UPF2: variants seen among roughly 807,000 people sequenced by gnomAD.
UPF2 encodes the protein regulator of nonsense transcripts 2.
In UPF2, 17 loss-of-function variants were observed where a neutral mutation model predicts 141.4. The observed-to-expected ratio is 0.12, with a 90% CI of 0.08 to 0.18. The LOEUF is 0.18. UPF2 is among the 10% of genes least tolerant of loss of function. The pLI is 1.00. For synonymous variants in UPF2, 540 were observed against 498.0 expected, an observed-to-expected ratio of 1.08 and a Z score of -1.12; for missense variants, 1,152 against 1,515.9, an observed-to-expected ratio of 0.76 and a Z score of 3.99.
intron 8 of UPF2, among the ~76,000 whole-genome samples, chr10:11,981,356 G>A (rs2131231113): frequency 6.6e-6 from 1 of 152,196 alleles, no homozygotes; most frequent in African/African-American, 2.4e-5. Context: ...AACTCAACTT[G>A]TTAAACCTAA....
chr10:12,007,939 G>A (rs1834062763), intron 4 of UPF2, among the ~76,000 whole-genome samples: 1 of 150,846 alleles, frequency 6.6e-6, no homozygotes. Context: ...CACCCAGGCT[G>A]GAGTGCAATC....
At chr10:11,932,828 CTAT>C (rs1355039619) in intron 19 of UPF2, among the ~76,000 whole-genome samples, 1 of 152,132 alleles carries the variant, frequency 6.6e-6, no homozygotes, top group Admixed American at 6.5e-5. Flanking sequence ...TCCCAAGTTA[CTAT>C]GACATGTAAC....
intron 18 of UPF2, among the ~76,000 whole-genome samples, chr10:11,937,003 A>G (rs3740025): frequency 0.17 from 25,266 of 152,240 alleles, 2,202 homozygotes; most frequent in East Asian, 0.25. Context: ...GGGTTCTACC[A>G]AATCCCCCTG....
At chr10:12,025,128 G>A (rs1834396281) in intron 3 of UPF2, among the ~76,000 whole-genome samples, 1 of 152,090 alleles carries the variant, frequency 6.6e-6, no homozygotes, top group Non-Finnish European at 1.5e-5. Flanking sequence ...TATAGTGGCT[G>A]CTCAAGTTGA....
In UPF2 at chr10:12,032,721, G is replaced by C. The variant is rs909988806; in HGVS notation, c.365+2338C>G. On this transcript the variant is annotated intron_variant, in intron 2 of 21. Transcript: ENST00000357604. Reference sequence around the variant, plus strand: ...CCACTGCACTCCAGCCTGGGTGACAGAGCAAGACCCTGTCTCAAAAAAAAA... The same window carrying C: ...CCACTGCACTCCAGCCTGGGTGACACAGCAAGACCCTGTCTCAAAAAAAAA... Among the ~76,000 whole-genome samples the C allele has an allele frequency of 5.0e-5, 7 of 140,022 alleles. No individual in the cohort carries two copies. In the South Asian group the frequency reaches 7.0e-4, roughly 14 times the overall value. 91.9% of individuals were successfully genotyped at this position (140,022 alleles called of 152,430 possible). A position where few individuals can be genotyped will look rare whatever the true frequency, so the allele number is the denominator to read the frequency against.
At chr10:11,957,200 G>A (rs1443165032) in intron 12 of UPF2, among the ~76,000 whole-genome samples, 1 of 151,950 alleles carries the variant, frequency 6.6e-6, no homozygotes, top group African/African-American at 2.4e-5. Flanking sequence ...AGGCCAAGGT[G>A]GGTGGATAAT....
At chr10:11,955,905 G>A (rs1350013972) in intron 13 of UPF2, among the ~76,000 whole-genome samples, 5 of 152,154 alleles carry the variant, frequency 3.3e-5, no homozygotes, top group African/African-American at 9.7e-5. Flanking sequence ...CATTTTGGGA[G>A]GCCAAGACAG....
At chr10:12,035,510 T>C (rs1462736889) in intron 1 of UPF2, 69 bp from the exon 2 acceptor site, 1 of 1,447,664 alleles carries the variant, frequency 6.9e-7, no homozygotes, top group East Asian at 2.4e-5. Flanking sequence ...CACTATTTTT[T>C]TAAACAGAAC....
intron 1 of UPF2, among the ~76,000 whole-genome samples, chr10:12,038,380 A>ACTCT (rs71513309): frequency 1.5e-5 from 1 of 65,690 alleles, no homozygotes; most frequent in Non-Finnish European, 3.0e-5. Context: ...ACTCCATCTC[A>ACTCT]CACACACACA....
intron 8 of UPF2, among the ~76,000 whole-genome samples, chr10:11,995,910 TCCA>T (rs1265264769): frequency 5.9e-5 from 9 of 152,146 alleles, no homozygotes; most frequent in Non-Finnish European, 4.4e-5. Flanking sequence ...CCTTAACTAG[TCCA>T]TTCTTCTCAG....
intron 16 of UPF2, among the ~76,000 whole-genome samples, chr10:11,944,355 G>C (rs144202680): frequency 1.1e-4 from 16 of 152,072 alleles, no homozygotes; most frequent in Non-Finnish European, 1.8e-4. Context: ...TTGGCCAGAC[G>C]TGGTGGCAGG....
At chr10:12,039,768 G>C (rs902607572) in intron 1 of UPF2, among the ~76,000 whole-genome samples, 50 of 151,978 alleles carry the variant, frequency 3.3e-4, no homozygotes, top group African/African-American at 1.2e-3. Context: ...TTACAGGCAT[G>C]TGCCACCATG....
chr10:11,991,253 G>T (rs1833775644), intron 8 of UPF2, among the ~76,000 whole-genome samples: 1 of 152,004 alleles, frequency 6.6e-6, no homozygotes, highest in East Asian at 1.9e-4. Flanking sequence ...AAGAAGAAAT[G>T]AGAAAAAGAG....
At chr10:11,925,751 A>T (rs1017543433) in intron 21 of UPF2, among the ~76,000 whole-genome samples, 2 of 152,252 alleles carry the variant, frequency 1.3e-5, no homozygotes, top group East Asian at 1.9e-4. Context: ...ACTGTTCCAC[A>T]CAGAGGAGGC....
intron 15 of UPF2, among the ~76,000 whole-genome samples, chr10:11,949,116 C>T (rs1833042180): frequency 6.6e-6 from 1 of 152,166 alleles, no homozygotes; most frequent in Non-Finnish European, 1.5e-5. Context: ...TTTGCTTTCA[C>T]CTCCTGTGTC....
chr10:12,021,455 G>A (rs1013718082), intron 3 of UPF2, among the ~76,000 whole-genome samples: 1 of 151,984 alleles, frequency 6.6e-6, no homozygotes, highest in African/African-American at 2.4e-5. Context: ...GGGAGATAGC[G>A]AGGCTGCAGT....
rs1834464137 is a variant in UPF2 at position 12,028,793 on chromosome 10, T to C, written c.1097A>G (p.His366Arg). ...LKEYFTSLTK[H>R]LKRDHRELQN... ...GAGCTCCCTGTGGTCCCTTTTCAGG[T>C]GTTTGGTCAAAGACGTAAAGTACTC... The change falls in exon 3 of 22, where the codon CAC becomes CGC. Residue 366 changes from histidine to arginine, a missense_variant. Transcript: ENST00000357604. 2 of 1,613,490 alleles carry C rather than the reference T, an allele frequency of 1.2e-6. No individual in the cohort carries two copies. Among genetic ancestry groups the C allele is most frequent in the African/African-American group, 2.7e-5 (2 of 74,884 alleles).
In UPF2 at chr10:11,921,372, C is replaced by A. The variant is rs147481355; in HGVS notation, c.3810-65G>T. On this transcript the variant is annotated intron_variant, in intron 21 of 21. Coordinates refer to ENST00000357604, the MANE Select transcript of UPF2 (RefSeq NM_015542.4). This position sits in a 1 kb window ranked among gnomAD's most constrained non-coding sequence, Gnocchi z 5.9. ...CACAGGACAAAGTCCAGCAAGATGG[C>A]GTCTGCAACGCTACCCACCACCACC... 3.4e-5 allele frequency: 54 copies of A among 1,599,766 alleles called. No homozygotes were observed. In the African/African-American group the frequency reaches 6.4e-4, roughly 19 times the overall value.
intron 9 of UPF2, among the ~76,000 whole-genome samples, chr10:11,971,415 T>C (rs1354548403): frequency 6.6e-6 from 1 of 152,126 alleles, no homozygotes; most frequent in Non-Finnish European, 1.5e-5. Flanking sequence ...CCACCATGCC[T>C]GGCTAATTTT....
Sources: allele counts gnomAD v4.1 joint callset (sites outside exome capture counted in the v4.1 genomes callset), GRCh38; gene constraint gnomAD v4.1.1; non-coding constraint Gnocchi (gnomAD v3.1); transcripts MANE v1.5; gene names NCBI Gene and HGNC (gene_info 2026-07-23, HGNC 2026-07-21).